FREM2: variants seen among roughly 807,000 people sequenced by gnomAD.
The protein encoded by FREM2 is FRAS1-related extracellular matrix protein 2.
A neutral mutation model predicts 219.9 loss-of-function variants in FREM2; 119 were observed. The observed-to-expected ratio is 0.54, with a 90% CI of 0.47 to 0.63. The LOEUF (loss-of-function observed/expected upper bound fraction) is 0.63, where lower values mean the gene tolerates loss of function less well. Ranked by LOEUF, FREM2 falls within the 30% of genes least tolerant of loss-of-function variation. FREM2 has a pLI of 0.00. For missense variants in FREM2, 4,030 were observed against 3,993.6 expected (o/e 1.01, Z -0.25); for synonymous variants, 1,562 against 1,522.8 (o/e 1.03, Z -0.60).
At chr13:38,745,849 C>T (rs1872459370) in intron 2 of FREM2, among the ~76,000 whole-genome samples, 2 of 152,112 alleles carry the variant, frequency 1.3e-5, no homozygotes, top group African/African-American at 4.8e-5. Context: ...GGAATTTTCT[C>T]CCTGTGTGTA....
chr13:38,704,109 T>A (rs1870444192), intron 2 of FREM2, among the ~76,000 whole-genome samples: 1 of 152,194 alleles, frequency 6.6e-6, no homozygotes, highest in African/African-American at 2.4e-5. Flanking sequence ...ATGCAACAGA[T>A]AACCAGAATG....
chr13:38,810,568 A>G (rs1875437863), intron 6 of FREM2, among the ~76,000 whole-genome samples: 1 of 151,704 alleles, frequency 6.6e-6, no homozygotes, highest in African/African-American at 2.4e-5. Flanking sequence ...GCATCAATTG[A>G]AAAAAACATA....
intron 2 of FREM2, among the ~76,000 whole-genome samples, chr13:38,698,249 G>T (rs1216479366): frequency 6.6e-6 from 1 of 152,200 alleles, no homozygotes; most frequent in African/African-American, 2.4e-5. Flanking sequence ...CATTCACCAA[G>T]AAATCAGTAG....
chr13:38,871,244 G>T (rs537872314), intron 16 of FREM2, among the ~76,000 whole-genome samples: 1 of 152,238 alleles, frequency 6.6e-6, no homozygotes, highest in East Asian at 1.9e-4. Flanking sequence ...CATCATTTTT[G>T]TGACATGAGC....
At chr13:38,812,939 A>T (rs1471790786) in intron 6 of FREM2, among the ~76,000 whole-genome samples, 2 of 150,604 alleles carry the variant, frequency 1.3e-5, no homozygotes, top group African/African-American at 4.9e-5. Flanking sequence ...CCCCACAAAA[A>T]CCTCTACCGT....
At chr13:38,694,583 A>G (rs1335300213) in intron 1 of FREM2, among the ~76,000 whole-genome samples, 5 of 152,236 alleles carry the variant, frequency 3.3e-5, no homozygotes, top group Non-Finnish European at 7.4e-5. Flanking sequence ...ATGAAGGGAT[A>G]AGGTAAACCT....
At chr13:38,802,800 A>G (rs952535346) in intron 6 of FREM2, among the ~76,000 whole-genome samples, 11 of 152,174 alleles carry the variant, frequency 7.2e-5, no homozygotes, top group Non-Finnish European at 1.0e-4. Context: ...GCATCTCCCT[A>G]TGACAATCAC....
chr13:38,768,171 A>G (rs1873515532), intron 3 of FREM2, among the ~76,000 whole-genome samples: 1 of 152,248 alleles, frequency 6.6e-6, no homozygotes, highest in East Asian at 1.9e-4. Context: ...GGAATTTTTC[A>G]AAAGTATAAT....
At chr13:38,770,041 T>G (rs1164918894) in intron 4 of FREM2, among the ~76,000 whole-genome samples, 1 of 148,146 alleles carries the variant, frequency 6.8e-6, no homozygotes, top group Non-Finnish European at 1.5e-5. Context: ...ATTTATATAG[T>G]ATATATAAAT....
intron 6 of FREM2, among the ~76,000 whole-genome samples, chr13:38,830,335 G>T (rs1443121093): frequency 6.6e-6 from 1 of 152,138 alleles, no homozygotes; most frequent in Non-Finnish European, 1.5e-5. Context: ...ACATGTGATT[G>T]ATCACAAAGC....
chr13:38,774,806 G>A (rs1346401905), intron 4 of FREM2, among the ~76,000 whole-genome samples: 1 of 152,108 alleles, frequency 6.6e-6, no homozygotes, highest in Non-Finnish European at 1.5e-5. Context: ...AAATATAGAG[G>A]TATTTGAATA....
intron 2 of FREM2, among the ~76,000 whole-genome samples, chr13:38,727,407 A>G (rs746187419): frequency 4.6e-5 from 7 of 152,218 alleles, no homozygotes; most frequent in Non-Finnish European, 8.8e-5. Context: ...TGAACATGGG[A>G]GGTGGAGTTT....
At chr13:38,747,403 G>GTGTC in intron 2 of FREM2, among the ~76,000 whole-genome samples, 1 of 150,986 alleles carries the variant, frequency 6.6e-6, no homozygotes, top group Non-Finnish European at 1.5e-5. Flanking sequence ...ATATGTGTGT[G>GTGTC]TGTGTGTGTG....
chr13:38,738,112 G>A (rs1444422656), intron 2 of FREM2, among the ~76,000 whole-genome samples: 1 of 152,174 alleles, frequency 6.6e-6, no homozygotes, highest in Non-Finnish European at 1.5e-5. Flanking sequence ...GACTCCTCAT[G>A]TTCTGCTCTG....
chr13:38,816,153 T>C (rs2137870924), intron 6 of FREM2, among the ~76,000 whole-genome samples: 1 of 152,198 alleles, frequency 6.6e-6, no homozygotes, highest in Admixed American at 6.5e-5. Flanking sequence ...TACCAAACAT[T>C]TAATAAAGAA....
intron 6 of FREM2, among the ~76,000 whole-genome samples, chr13:38,802,767 C>T (rs899229879): frequency 4.3e-4 from 65 of 152,188 alleles, no homozygotes; most frequent in African/African-American, 1.5e-3. Flanking sequence ...CTCTCTAGAG[C>T]AATGCCTCTG....
rs781534516 is a variant in FREM2 at position 38,880,827 on chromosome 13, G to C, written c.*40G>C. The C allele has an allele frequency of 3.1e-6, 5 of 1,610,310 alleles. No individual in the cohort carries two copies. Among genetic ancestry groups the C allele is most frequent in the Non-Finnish European group, 2.5e-6 (3 of 1,177,370 alleles). ...ATTCAACCTTTTCCGTAAGTGCCTC[G>C]GAAAAGATCACAATGGAACCTTAAA... is the stretch of plus-strand genomic sequence containing the variant. On this transcript the variant is annotated 3_prime_UTR_variant, in exon 24 of 24. Transcript: ENST00000280481.
At chr13:38,737,242 A>G (rs1343776558) in intron 2 of FREM2, among the ~76,000 whole-genome samples, 1 of 152,222 alleles carries the variant, frequency 6.6e-6, no homozygotes, top group Non-Finnish European at 1.5e-5. Flanking sequence ...GAATAAATCA[A>G]TTAATGGATT....
At position 38,784,596 on chromosome 13, in the gene FREM2, A is replaced by G. The variant is rs756321824; in HGVS notation, c.5807A>G (p.Tyr1936Cys). 1 of 1,614,128 alleles carries G rather than the reference A, an allele frequency of 6.2e-7. No homozygotes were observed. The highest frequency in any genetic ancestry group is 8.5e-7 in the Non-Finnish European group (1 of 1,179,998). ...ACTGTGCCGACTTCCGTGTTGTCTT[A>G]CTCTGATTACATATCCAGGCCTGAG... ...TGTVPTSVLS[Y>C]SDYISRPEDH... is the part of the protein sequence containing the mutation. Residue 1936 changes from tyrosine (Y) to cysteine (C), a missense_variant, in exon 6 of 24, where the codon TAC (tyrosine) becomes TGC (cysteine). Around this residue, in one of 2 missense-constraint regions of FREM2, gnomAD observed 3,102 missense variants for 2,950.7 expected, o/e 1.05. Coordinates refer to ENST00000280481, the MANE Select transcript of FREM2 (RefSeq NM_207361.6).
Sources: allele counts gnomAD v4.1 joint callset (sites outside exome capture counted in the v4.1 genomes callset), GRCh38; gene constraint gnomAD v4.1.1; regional missense constraint gnomAD v4.1.1; transcripts MANE v1.5; gene names NCBI Gene and HGNC (gene_info 2026-07-23, HGNC 2026-07-21).